Variants in CACNA1E observed in about 807,000 individuals in gnomAD.
CACNA1E encodes calcium voltage-gated channel subunit alpha1 E, also known as voltage-dependent R-type calcium channel subunit alpha-1E.
In CACNA1E, 40 loss-of-function variants were observed where a neutral mutation model predicts 259.2. The ratio of observed to expected loss-of-function variants is 0.15; its 90% CI spans 0.12 to 0.20. The LOEUF is 0.20. Ranked by LOEUF, CACNA1E falls within the 10% of genes least tolerant of loss-of-function variation. The probability of loss-of-function intolerance (pLI) is 1.00; values close to 1 mark genes in which losing one functional copy is unlikely to be tolerated. For synonymous variants in CACNA1E, 1,104 were observed against 1,138.5 expected (o/e 0.97, Z 0.61); for missense variants, 1,874 against 3,040.1 (o/e 0.62, Z 9.02).
chr1:181,323,279 G>A (rs185810647), intron 1 of CACNA1E, among the ~76,000 whole-genome samples: 3 of 152,182 alleles, frequency 2.0e-5, no homozygotes, highest in Non-Finnish European at 4.4e-5. Flanking sequence ...TCTAAGTCCA[G>A]TACTTTAATA....
At chr1:181,778,452 C>T (rs1660144385) in intron 38 of CACNA1E, among the ~76,000 whole-genome samples, 1 of 152,162 alleles carries the variant, frequency 6.6e-6, no homozygotes, top group Admixed American at 6.5e-5. Context: ...GCAATAGTCT[C>T]CAGACAGTTG....
chr1:181,436,036 C>T (rs557632180), intron 2 of CACNA1E, among the ~76,000 whole-genome samples: 1 of 152,120 alleles, frequency 6.6e-6, no homozygotes, highest in South Asian at 2.1e-4. Context: ...AAACAAATAA[C>T]CCTATTAAAA....
chr1:181,579,092 T>G lies in CACNA1E; in HGVS notation c.637T>G (p.Ser213Ala), dbSNP rs766455994. ...TCTAGGCCTGCAGATTGTGTTGAAG[T>G]CCATCATGAAGGCCATGGTACCTCT... is the stretch of plus-strand genomic sequence containing the variant. ...GIPSLQIVLK[S>A]IMKAMVPLLQ... The change falls in exon 5 of 48, where the codon TCC becomes GCC. Residue 213 changes from serine to alanine, a missense_variant. By Grantham distance (99) the Ser-to-Ala change is moderately conservative. Transcript: ENST00000367573. 6.2e-7 allele frequency: 1 copy of G among 1,611,892 alleles called. No individual in the cohort carries two copies. The highest frequency in any genetic ancestry group is 8.5e-7 in the Non-Finnish European group (1 of 1,178,956).
intron 1 of CACNA1E, among the ~76,000 whole-genome samples, chr1:181,333,329 G>T (rs545896858): frequency 1.3e-5 from 2 of 152,132 alleles, no homozygotes; most frequent in East Asian, 1.9e-4. Context: ...ATCTTCTGGG[G>T]TCTCACTTCC....
At chr1:181,532,678 C>G (rs1667873747) in intron 3 of CACNA1E, among the ~76,000 whole-genome samples, 1 of 152,260 alleles carries the variant, frequency 6.6e-6, no homozygotes, top group Non-Finnish European at 1.5e-5. Context: ...CAACACTTCA[C>G]TCTCCCCAAG....
intron 6 of CACNA1E, among the ~76,000 whole-genome samples, chr1:181,590,091 A>G (rs1210947949): frequency 1.3e-5 from 2 of 152,018 alleles, no homozygotes; most frequent in South Asian, 2.1e-4. Flanking sequence ...CCAGTTCCCT[A>G]TGTTGCAGTT....
chr1:181,483,090 C>G (rs1485770145), upstream of CACNA1E, among the ~76,000 whole-genome samples: 1 of 152,282 alleles, frequency 6.6e-6, no homozygotes, highest in African/African-American at 2.4e-5. Flanking sequence ...CTCCCTCTTT[C>G]TCCAACCTTT....
At chr1:181,702,248 A>C (rs563860995) in intron 7 of CACNA1E, among the ~76,000 whole-genome samples, 2 of 151,990 alleles carry the variant, frequency 1.3e-5, no homozygotes, top group African/African-American at 4.8e-5. Context: ...TCTTGGATGC[A>C]TGTCTCTCTT....
At chr1:181,385,375 A>G (rs938215668) in intron 1 of CACNA1E, among the ~76,000 whole-genome samples, 3 of 152,262 alleles carry the variant, frequency 2.0e-5, no homozygotes, top group Admixed American at 1.3e-4. Context: ...CCGATGGAAT[A>G]TCACATTACA....
intron 3 of CACNA1E, among the ~76,000 whole-genome samples, chr1:181,513,658 T>C (rs1350731565): frequency 6.6e-6 from 1 of 152,186 alleles, no homozygotes; most frequent in Non-Finnish European, 1.5e-5. Context: ...GAGAGAAGAC[T>C]TCCAGTAGAT....
rs74983566 is a variant in CACNA1E, at chr1:181,739,596, G to A, written c.3719+343G>A. On this transcript the variant is annotated intron_variant, in intron 25 of 47. Transcript: ENST00000367573. ...AGCAATGGACCCAGGAACAGCTTAT[G>A]GGCCCTTTCTTTCTTGAGTGTGTCA... Among the ~76,000 whole-genome samples, 169 of 152,274 alleles carry A rather than the reference G, an allele frequency of 1.1e-3. 3 individuals are homozygous for A. In the East Asian group the frequency reaches 0.029, roughly 26 times the overall value.
intron 7 of CACNA1E, among the ~76,000 whole-genome samples, chr1:181,709,411 A>G (rs1042908451): frequency 1.3e-5 from 2 of 152,178 alleles, no homozygotes; most frequent in Admixed American, 6.5e-5. Flanking sequence ...CCTGATTGTA[A>G]GCAGGTGGCT....
At chr1:181,669,312 T>G (rs969517486) in intron 7 of CACNA1E, among the ~76,000 whole-genome samples, 12 of 152,218 alleles carry the variant, frequency 7.9e-5, no homozygotes, top group Non-Finnish European at 1.5e-4. Context: ...TGCTGCAACC[T>G]ACTTTTCTAG....
chr1:181,680,316 G>A (rs1649822666), intron 7 of CACNA1E, among the ~76,000 whole-genome samples: 1 of 152,046 alleles, frequency 6.6e-6, no homozygotes, highest in Non-Finnish European at 1.5e-5. Flanking sequence ...TGTGACAGTG[G>A]CTAGGCACTT....
In CACNA1E at chr1:181,758,636, C is replaced by G. The variant is rs1327219634; in HGVS notation, c.4495-122C>G. 1 of 612,946 alleles carries G rather than the reference C, an allele frequency of 1.6e-6. No homozygotes were observed. Among genetic ancestry groups the G allele is most frequent in the African/African-American group, 1.8e-5 (1 of 54,400 alleles). The allele number at this position is 612,946 out of a possible 1,614,324, so 38.0% of individuals were successfully genotyped here. A position where few individuals can be genotyped will look rare whatever the true frequency, so the allele number is the denominator to read the frequency against. ...CAGCACTCGAAGTCCATCTCTCCTC[C>G]TGTACCACACACCAGAGTGTCCCAC... is the stretch of plus-strand genomic sequence containing the variant. On this transcript the variant is annotated intron_variant, in intron 31 of 47. Coordinates refer to ENST00000367573, the MANE Select transcript of CACNA1E (RefSeq NM_001205293.3). The surrounding 1 kb of genome is among the most constrained non-coding windows in gnomAD (Gnocchi z 4.2).
chr1:181,648,852 T>A (rs1415134942), intron 6 of CACNA1E, among the ~76,000 whole-genome samples: 1 of 152,238 alleles, frequency 6.6e-6, no homozygotes, highest in African/African-American at 2.4e-5. Context: ...ATCTGGGTGC[T>A]GGGTGTAGAC....
At chr1:181,559,666 T>G (rs12071603) in intron 3 of CACNA1E, among the ~76,000 whole-genome samples, 147,354 of 152,276 alleles carry the variant, frequency 0.97, 71,479 homozygotes, top group East Asian at 1. Context: ...CCTGCGGGCC[T>G]CTGATGCCCT....
chr1:181,326,013 G>T (rs990229851), intron 1 of CACNA1E, among the ~76,000 whole-genome samples: 1 of 152,120 alleles, frequency 6.6e-6, no homozygotes, highest in African/African-American at 2.4e-5. Flanking sequence ...TCCTCCACCC[G>T]CTCCGCCGCC....
intron 1 of CACNA1E, among the ~76,000 whole-genome samples, chr1:181,411,047 G>C (rs756690671): frequency 6.6e-6 from 1 of 152,124 alleles, no homozygotes; most frequent in Non-Finnish European, 1.5e-5. Context: ...TGTAGAGCAC[G>C]GGACACTTCT....
Sources: allele counts gnomAD v4.1 joint callset (sites outside exome capture counted in the v4.1 genomes callset), GRCh38; gene constraint gnomAD v4.1.1; non-coding constraint Gnocchi (gnomAD v3.1); transcripts MANE v1.5; gene names NCBI Gene and HGNC (gene_info 2026-07-23, HGNC 2026-07-21).